The following CD7 variants were observed in gnomAD, a reference collection of about 807,000 sequenced individuals.
The protein encoded by CD7 is T-cell antigen CD7.
CD7 carries 19 observed loss-of-function variants against 17.6 expected under a neutral mutation model. The observed-to-expected ratio is 1.08, with a 90% CI of 0.75 to 1.58. The LOEUF (loss-of-function observed/expected upper bound fraction) is 1.58. Among genes scored for constraint, CD7 ranks in the 40% most tolerant of loss-of-function variants. The pLI, the probability that CD7 is intolerant of heterozygous loss-of-function variation, is 0.00. For synonymous variants in CD7, 160 were observed against 159.8 expected, an observed-to-expected ratio of 1.00 and a Z score of -0.01; for missense variants, 291 against 327.1, an observed-to-expected ratio of 0.89 and a Z score of 0.85.
chr17:82,315,570 A>G (rs146993799), intron 3 of CD7, 139 bp from the exon 4 acceptor site: 11,569 of 657,774 alleles, frequency 0.018, 153 homozygotes, highest in Non-Finnish European at 0.024. Flanking sequence ...CCTGAGCCCC[A>G]GGGCTTCCCA....
intron 3 of CD7, chr17:82,315,977 G>A (rs1406483665): frequency 1.7e-5 from 11 of 656,896 alleles, no homozygotes; most frequent in Non-Finnish European, 3.0e-5. Flanking sequence ...ACGCGCACAC[G>A]CGGGCCCAGC....
chr17:82,316,264 C>A lies in CD7; in HGVS notation c.543G>T (p.Ala181=), dbSNP rs551520887. Residue 181 remains alanine (A), a synonymous_variant, in exon 3 of 4, where the codon GCG becomes GCT. Coordinates refer to ENST00000312648, the MANE Select transcript of CD7 (RefSeq NM_006137.7). ...GGAGGAAGGAGATCACCGCCAGGGC[C>A]GCAGGGAGGGCAGAGGCTGCTGGCG... The part of the protein sequence containing the change: ...PDPPAASALP[A]ALAVISFLLG... 1.9e-6 allele frequency: 3 copies of A among 1,575,826 alleles called. No homozygotes were observed. Among genetic ancestry groups the A allele is most frequent in the African/African-American group, 1.3e-5 (1 of 74,372 alleles).
rs1309381839 is a variant in CD7, at chr17:82,316,502, G to A, written c.398-93C>T. 6.9e-6 allele frequency: 9 copies of A among 1,298,814 alleles called. No individual in the cohort carries two copies. The South Asian group carries it at 9.2e-5, about 13-fold the overall frequency. The allele number at this position is 1,298,814 out of a possible 1,614,324, so 80.5% of individuals were successfully genotyped here. ...ATTCGGGGCAGGGAAAGGCTGTGGA[G>A]GGGAGGAGGGGCAGCTATCTAGGAG... On this transcript the variant is annotated intron_variant, in intron 2 of 3. Coordinates refer to ENST00000312648, the MANE Select transcript of CD7 (RefSeq NM_006137.7).
intron 3 of CD7, chr17:82,315,697 C>T: frequency 1.8e-6 from 1 of 547,974 alleles, no homozygotes; most frequent in Non-Finnish European, 3.3e-6. Flanking sequence ...CCACTCCAGC[C>T]CCAGACAAAC....
Position 82,317,444 on chromosome 17 carries a change from G to A in CD7, c.52C>T (p.Arg18Cys), listed in dbSNP as rs747044187. The A allele has an allele frequency of 6.4e-6, 10 of 1,570,694 alleles. No homozygotes were observed. The East Asian group carries it at 7.0e-5, about 11-fold the overall frequency. Residue 18 changes from arginine (R) to cysteine (C), a missense_variant, in exon 1 of 4, where the codon CGC (arginine) becomes TGC (cysteine). Coordinates refer to ENST00000312648, the MANE Select transcript of CD7 (RefSeq NM_006137.7). ...LLLPLLLALA[R>C]GLPGALAAQE... ...GCAGCCAGGGCCCCAGGCAGGCCGC[G>A]AGCCAGCGCCAGAAGCAGGGGCAGC... is the stretch of plus-strand genomic sequence containing the variant.
Position 82,317,591 on chromosome 17 carries a change from C to A in CD7, c.-96G>T. On this transcript the variant is annotated 5_prime_UTR_variant, in exon 1 of 4. Transcript: ENST00000312648. ...AGAGCAGCACACAGGAGACCGCAGG[C>A]GCTCAGAGCTCAGAGAGGGCTTCCT... 2 of 1,172,376 alleles carry A rather than the reference C, an allele frequency of 1.7e-6. No homozygotes were observed. The highest frequency in any genetic ancestry group is 2.3e-6 in the Non-Finnish European group (2 of 852,658). 72.6% of individuals were successfully genotyped at this position (1,172,376 alleles called of 1,614,324 possible).
Position 82,316,398 on chromosome 17 carries a change from G to T in CD7, c.409C>A (p.Gln137Lys), listed in dbSNP as rs2052016189. Residue 137 changes from glutamine to lysine, a missense_variant, in exon 3 of 4, where the codon CAA becomes AAA. Physicochemically the swap from Gln to Lys is moderately conservative, Grantham distance 53. Transcript: ENST00000312648. The part of the protein sequence containing the change: ...TLVLVTEEQS[Q>K]GWHRCSDAPP... ...GCGTCCGAGCATCTGTGCCATCCTT[G>T]GGACTGTTCCTCTGAGAAGGAAAAA... is the stretch of plus-strand genomic sequence containing the variant. 1.3e-6 allele frequency: 2 copies of T among 1,581,826 alleles called. No homozygotes were observed. Among genetic ancestry groups the T allele is most frequent in the Admixed American group, 3.8e-5 (2 of 53,016 alleles).
chr17:82,317,245 CG>C (rs2052026170), intron 1 of CD7, 168 bp downstream of exon 1: 1 of 730,708 alleles, frequency 1.4e-6, no homozygotes, highest in Non-Finnish European at 2.2e-6. Flanking sequence ...CACTCCCCAC[CG>C]GGGTCCACCC....
At chr17:82,315,470 G>T in intron 3 of CD7, 39 bp from the exon 4 acceptor site, 1 of 1,513,054 alleles carries the variant, frequency 6.6e-7, no homozygotes, top group African/African-American at 1.4e-5. Flanking sequence ...AGTGGCCAGC[G>T]TGGTGTCCTG....
At chr17:82,317,109 G>A (rs964875389) in intron 1 of CD7, 128 bp from the exon 2 acceptor site, 7 of 856,572 alleles carry the variant, frequency 8.2e-6, no homozygotes, top group Admixed American at 2.9e-5. Flanking sequence ...CCAAAGACAC[G>A]GTGCCTTACG....
Position 82,316,240 on chromosome 17 carries a change from G to A in CD7, c.567C>T (p.Leu189=). The change falls in exon 3 of 4, where the codon CTC becomes CTT. Residue 189 remains leucine, a synonymous_variant. Transcript: ENST00000312648. ...LPAALAVISF[L]LGLGLGVACV... ...ACGCCACCCCCAGGCCCAGCCCGAG[G>A]AGGAAGGAGATCACCGCCAGGGCCG... 1 of 1,573,088 alleles carries A rather than the reference G, an allele frequency of 6.4e-7. No individual in the cohort carries two copies. Among genetic ancestry groups the A allele is most frequent in the Non-Finnish European group, 8.6e-7 (1 of 1,158,696 alleles).
At chr17:82,315,947 T>C in intron 3 of CD7, 1 of 514,546 alleles carries the variant, frequency 1.9e-6, no homozygotes, top group Non-Finnish European at 3.4e-6. Flanking sequence ...CCTCAGACAC[T>C]CACACCTGCA....
intron 2 of CD7, 65 bp downstream of exon 2, chr17:82,316,602 G>T (rs1361759092): frequency 6.6e-7 from 1 of 1,524,208 alleles, no homozygotes; most frequent in Non-Finnish European, 9.0e-7. Flanking sequence ...GACAAGGGCT[G>T]GGGGAGCAGA....
Position 82,316,290 on chromosome 17 carries a change from G to A in CD7, c.517C>T (p.Pro173Ser), listed in dbSNP as rs1291624370. ...DPQTASALPDPPAASALPAAL... is the reference protein window; with the variant it reads ...DPQTASALPDSPAASALPAAL... ...GCAGGGAGGGCAGAGGCTGCTGGCG[G>A]GTCAGGGAGGGCAGAGGCTGTCTGC... The change falls in exon 3 of 4, where the codon CCG becomes TCG. Residue 173 changes from proline to serine, a missense_variant. Coordinates refer to ENST00000312648, the MANE Select transcript of CD7 (RefSeq NM_006137.7). The A allele has an allele frequency of 6.8e-7, 1 of 1,459,918 alleles. No homozygotes were observed. Among genetic ancestry groups the A allele is most frequent in the Non-Finnish European group, 9.4e-7 (1 of 1,061,612 alleles). 90.4% of individuals were successfully genotyped at this position (1,459,918 alleles called of 1,614,324 possible).
chr17:82,317,026 A>ATTCTCTGTCCTTCT, intron 1 of CD7, 45 bp from the exon 2 acceptor site: 2 of 1,505,802 alleles, frequency 1.3e-6, no homozygotes, highest in Non-Finnish European at 1.8e-6. Flanking sequence ...CCAGAAGGAC[A>ATTCTCTGTCCTTCT]GAGAATGTCC....
At chr17:82,315,969 G>GCGCACACA (rs2052009248) in intron 3 of CD7, 2 of 649,604 alleles carry the variant, frequency 3.1e-6, no homozygotes, top group African/African-American at 1.9e-5. Context: ...ACGCGCACAC[G>GCGCACACA]CGCACACGCG....
At chr17:82,315,938 CT>C in intron 3 of CD7, 1 of 619,924 alleles carries the variant, frequency 1.6e-6, no homozygotes, top group Non-Finnish European at 2.8e-6. Context: ...GAGATCCCCC[CT>C]CAGACACTCA....
chr17:82,317,196 T>G, intron 1 of CD7: 1 of 659,828 alleles, frequency 1.5e-6, no homozygotes, highest in Non-Finnish European at 2.6e-6. Flanking sequence ...TGTGGGCTTC[T>G]TCCTCCCAAA....
chr17:82,316,581 G>A (rs780307849), intron 2 of CD7, 86 bp downstream of exon 2: 4 of 1,442,942 alleles, frequency 2.8e-6, no homozygotes, highest in Admixed American at 1.7e-5. Flanking sequence ...ATGTAGGAGG[G>A]AGGGTCCCAC....
Sources: gnomAD v4.1 joint callset for allele counts on GRCh38, gnomAD v4.1.1 for gene constraint, MANE v1.5 for transcripts, NCBI Gene and HGNC (gene_info 2026-07-23, HGNC 2026-07-21) for gene names.